Variants in FOXN2 observed in about 807,000 individuals in gnomAD.
The protein encoded by FOXN2 is forkhead box N2.
A neutral mutation model predicts 41.2 loss-of-function variants in FOXN2; 19 were observed. The ratio of observed to expected loss-of-function variants is 0.46; its 90% CI spans 0.32 to 0.68. The LOEUF (loss-of-function observed/expected upper bound fraction) is 0.68, where lower values mean the gene tolerates loss of function less well. FOXN2 is among the 30% of genes least tolerant of loss of function. The pLI is 0.03. For missense variants in FOXN2, 587 were observed against 509.4 expected (o/e 1.15, Z -1.47); for synonymous variants, 195 against 176.8 (o/e 1.10, Z -0.82).
chr2:48,351,033 T>G (rs893633477), intron 3 of FOXN2, among the ~76,000 whole-genome samples: 3 of 145,568 alleles, frequency 2.1e-5, no homozygotes, highest in Admixed American at 2.0e-4. Context: ...TGGCTCAATC[T>G]CGGCCCACTG....
At chr2:48,337,882 A>C (rs186857374) in intron 2 of FOXN2, among the ~76,000 whole-genome samples, 2 of 152,206 alleles carry the variant, frequency 1.3e-5, no homozygotes. Flanking sequence ...CCAGTATAGC[A>C]GGAGATTGTA....
intron 3 of FOXN2, among the ~76,000 whole-genome samples, chr2:48,352,818 G>T (rs543932886): frequency 6.6e-6 from 1 of 152,120 alleles, no homozygotes; most frequent in Non-Finnish European, 1.5e-5. Flanking sequence ...AGTGAGATAC[G>T]TGGTATTAAT....
At position 48,346,629 on chromosome 2, in the gene FOXN2, T is replaced by G. The variant is rs764280326; in HGVS notation, c.415T>G (p.Tyr139Asp). Reference sequence around the variant, plus strand: ...TAAATGTTTGCCTGTCAAAGAAATTTATAGCTGGATTCTGGACCATTTTCC... The same window carrying G: ...TAAATGTTTGCCTGTCAAAGAAATTGATAGCTGGATTCTGGACCATTTTCC... ...PNKCLPVKEI[Y>D]SWILDHFPYF... Residue 139 changes from tyrosine to aspartate, a missense_variant, in exon 3 of 7, where the codon TAT (tyrosine) becomes GAT (aspartate). Tyr to Asp is a radical substitution (Grantham distance 160, BLOSUM62 -3). Transcript: ENST00000340553. 1 of 1,614,192 alleles carries G rather than the reference T, an allele frequency of 6.2e-7. No individual in the cohort carries two copies. Among genetic ancestry groups the G allele is most frequent in the Non-Finnish European group, 8.5e-7 (1 of 1,180,022 alleles).
chr2:48,319,037 A>T (rs1237171988), intron 1 of FOXN2, among the ~76,000 whole-genome samples: 1 of 152,232 alleles, frequency 6.6e-6, no homozygotes, highest in Non-Finnish European at 1.5e-5. Flanking sequence ...TCCCTGGGAT[A>T]GTTTAATTAC....
chr2:48,317,595 C>CTTTTTTTTTTTTTTTTTTTTTTT lies in FOXN2; in HGVS notation c.-157+2789_-157+2811dup, dbSNP rs574980247. ...ACAATGCCTATAGCCTATAGTATTG[C>CTTTTTTTTTTTTTTTTTTTTTTT]TTTTTTTTTTTTTTTTTTTTTTTTT... is the stretch of plus-strand genomic sequence containing the variant. On this transcript the variant is annotated intron_variant, in intron 1 of 6. Transcript: ENST00000340553. 1.4e-4 allele frequency among the ~76,000 whole-genome samples: 5 copies of CTTTTTTTTTTTTTTTTTTTTTTT among 34,746 alleles called. 1 individual carries two copies. Among genetic ancestry groups the CTTTTTTTTTTTTTTTTTTTTTTT allele is most frequent in the Non-Finnish European group, 2.9e-4 (5 of 17,474 alleles). 22.8% of individuals were successfully genotyped at this position (34,746 alleles called of 152,430 possible). A position where few individuals can be genotyped will look rare whatever the true frequency, so the allele number is the denominator to read the frequency against.
At chr2:48,372,033 C>T (rs1334775249) in intron 5 of FOXN2, among the ~76,000 whole-genome samples, 2 of 152,112 alleles carry the variant, frequency 1.3e-5, no homozygotes, top group Non-Finnish European at 2.9e-5. Flanking sequence ...CTTTCTCTTA[C>T]CTAATTGCTC....
chr2:48,373,808 C>G (rs914001909), intron 6 of FOXN2, among the ~76,000 whole-genome samples: 2 of 152,028 alleles, frequency 1.3e-5, no homozygotes, highest in African/African-American at 2.4e-5. Flanking sequence ...AATCCTAGCA[C>G]TTTTGGGAGA....
intron 3 of FOXN2, among the ~76,000 whole-genome samples, chr2:48,351,260 C>T (rs1408432298): frequency 6.6e-6 from 1 of 151,020 alleles, no homozygotes; most frequent in Middle Eastern, 3.2e-3. Flanking sequence ...CTGCACTCGG[C>T]CAAAGTTGAA....
At position 48,375,374 on chromosome 2, in the gene FOXN2, A is replaced by C. The variant is rs189152161; in HGVS notation, c.1227A>C (p.Gly409=). ...CTGGATCTCTGCTCCACCTTGCTGG[A>C]ATTCGTACATGTTTAGGTTCCCTAA... is the stretch of plus-strand genomic sequence containing the variant. ...EAAGSLLHLA[G]IRTCLGSLIS... The change falls in exon 7 of 7, where the codon GGA becomes GGC. Residue 409 remains glycine, a synonymous_variant. Transcript: ENST00000340553. The C allele has an allele frequency of 1.5e-4, 244 of 1,613,684 alleles. 1 individual carries two copies. In the East Asian group the frequency reaches 4.7e-3, roughly 31 times the overall value.
chr2:48,362,618 A>G (rs1672264443), intron 4 of FOXN2, 25 bp from the exon 5 acceptor site: 3 of 1,602,874 alleles, frequency 1.9e-6, no homozygotes, highest in Non-Finnish European at 2.6e-6. Flanking sequence ...TTATAAGCAT[A>G]TTTGCTTTTC....
At chr2:48,336,417 A>AT (rs1337407910) in intron 2 of FOXN2, among the ~76,000 whole-genome samples, 38 of 136,990 alleles carry the variant, frequency 2.8e-4, no homozygotes, top group African/African-American at 1.0e-3. Context: ...CCAAAAAAAA[A>AT]AATATATATA....
chr2:48,324,705 G>A (rs932004508), intron 1 of FOXN2, among the ~76,000 whole-genome samples: 1 of 152,070 alleles, frequency 6.6e-6, no homozygotes, highest in Non-Finnish European at 1.5e-5. Flanking sequence ...TCTTTCTTTG[G>A]TTAACGATAC....
chr2:48,337,212 C>T (rs1572718993), intron 2 of FOXN2, among the ~76,000 whole-genome samples: 1 of 151,532 alleles, frequency 6.6e-6, no homozygotes, highest in Non-Finnish European at 1.5e-5. Context: ...GAACATGCGA[C>T]GTTTGTCTTT....
intron 2 of FOXN2, among the ~76,000 whole-genome samples, chr2:48,336,045 TAAAATAA>T (rs1670326662): frequency 6.9e-6 from 1 of 144,096 alleles, no homozygotes; most frequent in Admixed American, 7.0e-5. Flanking sequence ...AAAAAAATAA[TAAAATAA>T]AAAATAAAAA....
At chr2:48,341,408 G>C (rs1278138281) in intron 2 of FOXN2, among the ~76,000 whole-genome samples, 2 of 152,116 alleles carry the variant, frequency 1.3e-5, no homozygotes, top group Non-Finnish European at 2.9e-5. Context: ...ATTGTGCACA[G>C]CTGATGGGCC....
Position 48,359,161 on chromosome 2 carries a change from A to G in FOXN2, c.638+14A>G, listed in dbSNP as rs778814094. On this transcript the variant is annotated intron_variant, in intron 4 of 6. Transcript: ENST00000340553. ...ATCTTCACAAAAGTAAGGATCTTCC[A>G]TATAACTGTCAGTGGTGATTTATAG... 1.3e-6 allele frequency: 2 copies of G among 1,582,604 alleles called. No homozygotes were observed. The highest frequency in any genetic ancestry group is 1.3e-5 in the African/African-American group (1 of 74,378).
chr2:48,336,001 C>G (rs993176916), intron 2 of FOXN2, among the ~76,000 whole-genome samples: 2 of 150,258 alleles, frequency 1.3e-5, no homozygotes, highest in African/African-American at 2.5e-5. Flanking sequence ...GCACTCCAGC[C>G]TGGGCGACAG....
Position 48,375,105 on chromosome 2 carries a change from G to A in FOXN2, c.958G>A (p.Val320Met), listed in dbSNP as rs201218812. ...AAQRCASRSS[V>M]SSLSSVDEVY... ...ACAGCGTTGTGCATCCAGGTCTAGC[G>A]TGTCTTCCCTGTCTTCTGTGGATGA... The change falls in exon 7 of 7, where the codon GTG becomes ATG. Residue 320 changes from valine (V) to methionine (M), a missense_variant. Transcript: ENST00000340553. The A allele has an allele frequency of 3.0e-5, 48 of 1,614,060 alleles. No individual in the cohort carries two copies. The highest frequency in any genetic ancestry group is 2.9e-4 in the East Asian group (13 of 44,864).
chr2:48,343,374 A>G (rs1558623707), intron 2 of FOXN2, among the ~76,000 whole-genome samples: 1 of 152,196 alleles, frequency 6.6e-6, no homozygotes, highest in Non-Finnish European at 1.5e-5. Flanking sequence ...AATTTGTATT[A>G]TGAGTTCATT....
Sources: gnomAD v4.1 joint callset for allele counts (sites outside exome capture counted in the v4.1 genomes callset) on GRCh38, gnomAD v4.1.1 for gene constraint, MANE v1.5 for transcripts, NCBI Gene and HGNC (gene_info 2026-07-23, HGNC 2026-07-21) for gene names.